Variants in SPDYE10 observed in about 807,000 individuals in gnomAD.
The protein encoded by SPDYE10 is speedy protein E10.
the SPDYE10 span, among the ~76,000 whole-genome samples, chr7:73,150,907 A>AAAAAAAATATATAT: frequency 8.6e-5 from 1 of 11,580 alleles, no homozygotes; most frequent in Non-Finnish European, 1.4e-4. Context: ...AAAAAAAAAA[A>AAAAAAAATATATAT]ATATATATAT....
At chr7:73,137,536 G>A in the SPDYE10 span, among the ~76,000 whole-genome samples, 1 of 144,406 alleles carries the variant, frequency 6.9e-6, no homozygotes, top group African/African-American at 2.6e-5. Context: ...AGGAAAGAAA[G>A]AGAGAGAGAA....
chr7:73,143,495 AC>A, the SPDYE10 span, among the ~76,000 whole-genome samples: 9 of 150,564 alleles, frequency 6.0e-5, no homozygotes, highest in African/African-American at 2.2e-4. Context: ...CAGGGAGGGC[AC>A]CAAGCCATTC....
At chr7:73,130,228 C>T in the SPDYE10 span, among the ~76,000 whole-genome samples, 29 of 149,958 alleles carry the variant, frequency 1.9e-4, no homozygotes, top group Non-Finnish European at 4.4e-5. Context: ...CTGAGGTGGG[C>T]AGATTGCTTG....
At chr7:73,145,234 CTTT>C in the SPDYE10 span, among the ~76,000 whole-genome samples, 11 of 97,600 alleles carry the variant, frequency 1.1e-4, no homozygotes, top group African/African-American at 4.8e-4. Flanking sequence ...TCATTTCTTT[CTTT>C]TGTCTTTCTT....
At chr7:73,143,378 A>AG in the SPDYE10 span, among the ~76,000 whole-genome samples, 1 of 151,130 alleles carries the variant, frequency 6.6e-6, no homozygotes, top group East Asian at 1.9e-4. Context: ...TGGAAGATGA[A>AG]GGGGGGCCGA....
chr7:73,113,829 A>T, the SPDYE10 span, among the ~76,000 whole-genome samples: 1 of 151,946 alleles, frequency 6.6e-6, no homozygotes, highest in African/African-American at 2.4e-5. Context: ...AGATCAGGAG[A>T]TCGAGACCAT....
At chr7:73,135,869 G>GTT in the SPDYE10 span, among the ~76,000 whole-genome samples, 7 of 75,400 alleles carry the variant, frequency 9.3e-5, no homozygotes, top group Admixed American at 2.8e-4. Context: ...ACCGCACCCG[G>GTT]TCTTTTTTTT....
chr7:73,135,088 C>T, the SPDYE10 span, among the ~76,000 whole-genome samples: 1 of 152,288 alleles, frequency 6.6e-6, no homozygotes, highest in African/African-American at 2.4e-5. Flanking sequence ...ACTGATCTGA[C>T]TCATAGGTGT....
chr7:73,139,956 C>CCAA, the SPDYE10 span, among the ~76,000 whole-genome samples: 2 of 17,928 alleles, frequency 1.1e-4, no homozygotes, highest in Non-Finnish European at 2.0e-4. Flanking sequence ...AGCGCCCGGC[C>CCAA]TTTTTTTTTT....
the SPDYE10 span, among the ~76,000 whole-genome samples, chr7:73,150,907 A>AAAAAT: frequency 1.7e-4 from 2 of 11,574 alleles, no homozygotes; most frequent in African/African-American, 3.5e-4. Flanking sequence ...AAAAAAAAAA[A>AAAAAT]ATATATATAT....
At chr7:73,131,203 T>A in the SPDYE10 span, among the ~76,000 whole-genome samples, 2 of 114,136 alleles carry the variant, frequency 1.8e-5, no homozygotes, top group Non-Finnish European at 1.7e-5. Context: ...ACTGTCTCTT[T>A]AAAAAAAAAA....
chr7:73,127,623 G>A, the SPDYE10 span, among the ~76,000 whole-genome samples: 1 of 103,686 alleles, frequency 9.6e-6, no homozygotes, highest in African/African-American at 3.4e-5. Context: ...GGAAGGGAAT[G>A]GAAGGGAAGA....
the SPDYE10 span, among the ~76,000 whole-genome samples, chr7:73,127,648 A>C: frequency 7.7e-6 from 1 of 129,662 alleles, no homozygotes; most frequent in Admixed American, 8.0e-5. Context: ...TAAAAAAAAA[A>C]AAAAAAAACA....
chr7:73,113,727 C>T, the SPDYE10 span, among the ~76,000 whole-genome samples: 4 of 152,116 alleles, frequency 2.6e-5, no homozygotes, highest in East Asian at 7.7e-4. Context: ...AACCGCATCT[C>T]TACTAAAAAT....
At chr7:73,139,622 C>G in the SPDYE10 span, among the ~76,000 whole-genome samples, 3 of 150,320 alleles carry the variant, frequency 2.0e-5, no homozygotes, top group Admixed American at 2.0e-4. Flanking sequence ...CGCCCCCTGG[C>G]CTTTTTTTGT....
At chr7:73,152,333 G>GA in the SPDYE10 span, among the ~76,000 whole-genome samples, 1 of 144,478 alleles carries the variant, frequency 6.9e-6, no homozygotes, top group South Asian at 2.2e-4. Context: ...TTTTTTTTAA[G>GA]AAACTGAATT....
chr7:73,116,838 C>G, the SPDYE10 span, among the ~76,000 whole-genome samples: 14 of 150,452 alleles, frequency 9.3e-5, no homozygotes, highest in South Asian at 1.0e-3. Flanking sequence ...GCTTCAGCCT[C>G]CCAAAGTGCT....
At chr7:73,114,537 T>G in the SPDYE10 span, among the ~76,000 whole-genome samples, 1 of 148,542 alleles carries the variant, frequency 6.7e-6, no homozygotes, top group African/African-American at 2.4e-5. Flanking sequence ...AAGCCCTATT[T>G]TTTTTTTTTT....
the SPDYE10 span, among the ~76,000 whole-genome samples, chr7:73,149,513 TC>T: frequency 7.0e-6 from 1 of 143,108 alleles, no homozygotes; most frequent in Non-Finnish European, 1.5e-5. Context: ...GGTCTCAATC[TC>T]CTAACCTTGT....
Sources: allele counts gnomAD v4.1 joint callset (sites outside exome capture counted in the v4.1 genomes callset), GRCh38; gene constraint gnomAD v4.1.1; transcripts MANE v1.5; gene names NCBI Gene and HGNC (gene_info 2026-07-23, HGNC 2026-07-21).